The following RMST variants were observed in gnomAD, a reference collection of about 807,000 sequenced individuals.
RMST encodes the protein rhabdomyosarcoma 2 associated transcript, also known as long intergenic non-protein coding RNA 54.
intron 11 of RMST, among the ~76,000 whole-genome samples, chr12:97,556,100 G>C (rs923705577): frequency 3.9e-5 from 6 of 152,174 alleles, no homozygotes; most frequent in Admixed American, 3.3e-4. Context: ...TAGTGGACAT[G>C]TTGTCTTTGA....
At chr12:97,513,017 G>T (rs1026495323) in intron 10 of RMST, among the ~76,000 whole-genome samples, 1 of 152,214 alleles carries the variant, frequency 6.6e-6, no homozygotes, top group East Asian at 1.9e-4. Flanking sequence ...GGGGCCTGCC[G>T]GCCGGCCGCT....
chr12:97,561,719 C>T (rs1884125619), intron 13 of RMST, among the ~76,000 whole-genome samples: 1 of 137,218 alleles, frequency 7.3e-6, no homozygotes, highest in Non-Finnish European at 1.5e-5. Flanking sequence ...ATCCCAGCTC[C>T]GTGCCCAGGT....
intron 5 of RMST, chr12:97,492,022 T>C (rs369042417): frequency 3.8e-6 from 2 of 523,444 alleles, no homozygotes; most frequent in Admixed American, 1.9e-5. Context: ...GGAGTTTGGA[T>C]TGATCTAATT....
At position 97,489,625 on chromosome 12, in the gene RMST, C is replaced by A. The variant is rs539934742; in HGVS notation, n.645-2836C>A. 8.5e-5 allele frequency among the ~76,000 whole-genome samples: 13 copies of A among 152,060 alleles called. No individual in the cohort carries two copies. The East Asian group carries it at 2.5e-3, about 29-fold the overall frequency. ...AGTGAATTTTTAAATCCAAATTGTC[C>A]CTGTGCTGAAAGGATTTCCTGTGAG... On this transcript the variant is annotated intron_variant and non_coding_transcript_variant, in intron 5 of 13. Coordinates refer to ENST00000640149, the Ensembl canonical transcript of RMST.
chr12:97,554,526 T>G (rs1403657623), intron 11 of RMST, among the ~76,000 whole-genome samples: 1 of 152,158 alleles, frequency 6.6e-6, no homozygotes, highest in African/African-American at 2.4e-5. Context: ...AGTAAACACT[T>G]TTAATTTAAA....
chr12:97,499,406 A>G (rs1264903422), intron 10 of RMST, among the ~76,000 whole-genome samples: 3 of 151,892 alleles, frequency 2.0e-5, no homozygotes, highest in African/African-American at 7.3e-5. Flanking sequence ...TTTTACCTGT[A>G]TTTTCTGCAC....
intron 11 of RMST, among the ~76,000 whole-genome samples, chr12:97,537,781 CTA>C (rs1335749626): frequency 6.6e-6 from 1 of 151,436 alleles, no homozygotes; most frequent in East Asian, 1.9e-4. Flanking sequence ...ACAGAAATGT[CTA>C]TATTACATAT....
intron 11 of RMST, among the ~76,000 whole-genome samples, chr12:97,535,487 G>A (rs1156451399): frequency 6.6e-6 from 1 of 151,458 alleles, no homozygotes; most frequent in African/African-American, 2.4e-5. Flanking sequence ...CTATGTTTCA[G>A]GTACTCCCCC....
At chr12:97,522,438 G>A (rs1880610564) in intron 10 of RMST, among the ~76,000 whole-genome samples, 1 of 152,144 alleles carries the variant, frequency 6.6e-6, no homozygotes, top group Non-Finnish European at 1.5e-5. Flanking sequence ...TTGAGATATA[G>A]TTTCTAGCTA....
At chr12:97,506,655 T>TGAA (rs1202935505) in intron 10 of RMST, among the ~76,000 whole-genome samples, 1 of 151,310 alleles carries the variant, frequency 6.6e-6, no homozygotes, top group African/African-American at 2.4e-5. Flanking sequence ...GCATGCGGAT[T>TGAA]GAAGACATTA....
At chr12:97,515,171 A>G (rs577620186) in intron 10 of RMST, among the ~76,000 whole-genome samples, 7 of 152,242 alleles carry the variant, frequency 4.6e-5, no homozygotes, top group Admixed American at 4.6e-4. Context: ...GATATGATTT[A>G]TGCTCTAAAA....
intron 5 of RMST, among the ~76,000 whole-genome samples, chr12:97,490,283 A>G (rs1876630231): frequency 6.6e-6 from 1 of 152,226 alleles, no homozygotes; most frequent in South Asian, 2.1e-4. Context: ...CTCTATGCAT[A>G]ATGATATGCC....
intron 10 of RMST, among the ~76,000 whole-genome samples, chr12:97,502,690 C>T (rs1424520986): frequency 1.3e-5 from 2 of 152,126 alleles, no homozygotes; most frequent in Non-Finnish European, 2.9e-5. Flanking sequence ...TTTCAAACTT[C>T]TGGGCTCAAA....
chr12:97,562,445 G>A (rs1437185137), intron 13 of RMST, among the ~76,000 whole-genome samples: 1 of 152,038 alleles, frequency 6.6e-6, no homozygotes, highest in East Asian at 1.9e-4. Context: ...GAGAGATGTG[G>A]TAGAGGAGCG....
chr12:97,488,510 G>T (rs1876380373), intron 5 of RMST, among the ~76,000 whole-genome samples: 1 of 152,112 alleles, frequency 6.6e-6, no homozygotes, highest in Non-Finnish European at 1.5e-5. Flanking sequence ...AAGAATATCT[G>T]GTCTCTGAGG....
chr12:97,469,014 C>T (rs1873549051), intron 5 of RMST, among the ~76,000 whole-genome samples: 1 of 151,720 alleles, frequency 6.6e-6, no homozygotes, highest in African/African-American at 2.4e-5. Context: ...TCACACATCG[C>T]AATCCAAATT....
intron 10 of RMST, among the ~76,000 whole-genome samples, chr12:97,519,862 C>T (rs1441805836): frequency 2.0e-5 from 3 of 152,090 alleles, no homozygotes; most frequent in African/African-American, 7.2e-5. Flanking sequence ...CTTCATGCTA[C>T]TAAAAATGAT....
At chr12:97,478,859 C>T (rs1284101679) in intron 5 of RMST, among the ~76,000 whole-genome samples, 4 of 152,114 alleles carry the variant, frequency 2.6e-5, no homozygotes, top group Non-Finnish European at 5.9e-5. Flanking sequence ...GCTGTAGAGC[C>T]TGCCATCCTA....
Position 97,470,473 on chromosome 12 carries a change from A to C in RMST, n.644+4746A>C, listed in dbSNP as rs950763100. On this transcript the variant is annotated intron_variant and non_coding_transcript_variant, in intron 5 of 13. Transcript: ENST00000640149. Reference sequence around the variant, plus strand: ...AGGAGGAAGAGAATGACAATGGAGGAAAGCTTGCAGGGAAGGAGAAAATAA... The same window carrying C: ...AGGAGGAAGAGAATGACAATGGAGGCAAGCTTGCAGGGAAGGAGAAAATAA... Among the ~76,000 whole-genome samples, 6 of 152,156 alleles carry C rather than the reference A, an allele frequency of 3.9e-5. No individual in the cohort carries two copies. The East Asian group carries it at 1.2e-3, about 29-fold the overall frequency.
Sources: allele counts gnomAD v4.1 joint callset (sites outside exome capture counted in the v4.1 genomes callset), GRCh38; gene constraint gnomAD v4.1.1; transcripts MANE v1.5; gene names NCBI Gene and HGNC (gene_info 2026-07-23, HGNC 2026-07-21).